PDPR: variants seen among roughly 807,000 people sequenced by gnomAD.
PDPR encodes pyruvate dehydrogenase phosphatase regulatory subunit.
In PDPR, 50 loss-of-function variants were observed where a neutral mutation model predicts 102.2. That is an observed-to-expected ratio of 0.49 (90% CI 0.39 to 0.62). The LOEUF is 0.62. Among genes scored for constraint, PDPR ranks in the 20% least tolerant of loss-of-function variants. The pLI is 0.00. For missense variants in PDPR, 625 were observed against 1,098.2 expected, an observed-to-expected ratio of 0.57 and a Z score of 6.09; for synonymous variants, 259 against 406.0, an observed-to-expected ratio of 0.64 and a Z score of 4.35.
chr16:70,142,436 C>A, intron 12 of PDPR, 47 bp downstream of exon 12: 1 of 1,604,756 alleles, frequency 6.2e-7, no homozygotes, highest in East Asian at 2.2e-5. Flanking sequence ...TTTTTTTGTC[C>A]TGGGAATTAA....
At chr16:70,148,363 A>G in intron 16 of PDPR, 101 bp from the exon 17 acceptor site, 4 of 886,286 alleles carry the variant, frequency 4.5e-6, no homozygotes, top group South Asian at 1.5e-5. Context: ...CTCCCTCAAC[A>G]GTAAACAGAG....
Position 70,156,859 on chromosome 16 carries a change from A to G in PDPR, c.2620A>G (p.Ser874Gly). Reference protein sequence around the residue: ...QKRRKDDMELSDLHGK With the variant: ...QKRRKDDMELGDLHGK Reference sequence around the variant, plus strand: ...GCGCCGAAAGGATGACATGGAGCTGAGTGACTTACATGGGAAGTGATGCCA... The same window carrying G: ...GCGCCGAAAGGATGACATGGAGCTGGGTGACTTACATGGGAAGTGATGCCA... Residue 874 changes from serine to glycine, a missense_variant, in exon 19 of 19, where the codon AGT (serine) becomes GGT (glycine). Ser to Gly is a moderately conservative substitution (Grantham distance 56). This residue lies in a region of PDPR where 303 missense variants were observed against 258.9 expected (regional missense o/e 1.17). Transcript: ENST00000288050. 1.2e-6 allele frequency: 2 copies of G among 1,613,806 alleles called. No homozygotes were observed. Among genetic ancestry groups the G allele is most frequent in the Non-Finnish European group, 1.7e-6 (2 of 1,179,794 alleles).
chr16:70,117,006 T>C (rs1962713664), intron 2 of PDPR, among the ~76,000 whole-genome samples: 2 of 150,418 alleles, frequency 1.3e-5, no homozygotes, highest in Non-Finnish European at 3.0e-5. Context: ...CGTGGAGTCA[T>C]GATTAAATAG....
At position 70,130,431 on chromosome 16, in the gene PDPR, A is replaced by T. The variant is rs10852462; in HGVS notation, c.616A>T (p.Ile206Phe). ...TCTTTACCTTGGAACAGGTGTTCAG[A>T]TCTATGACCGGACATCTGTTCTTCA... ...ASAASQNGVQIYDRTSVLHVM... is the reference protein window; with the variant it reads ...ASAASQNGVQFYDRTSVLHVM... Residue 206 changes from isoleucine to phenylalanine, a missense_variant, in exon 7 of 19, where the codon ATC (isoleucine) becomes TTC (phenylalanine). By Grantham distance (21) the Ile-to-Phe change is conservative (BLOSUM62 0). Around this residue, in one of 11 missense-constraint regions of PDPR, gnomAD observed 35 missense variants for 63.5 expected, o/e 0.55. Coordinates refer to ENST00000288050, the MANE Select transcript of PDPR (RefSeq NM_017990.5). The T allele has an allele frequency of 1.1e-5, 18 of 1,607,532 alleles. No individual in the cohort carries two copies. The East Asian group carries it at 4.0e-4, about 36-fold the overall frequency.
rs1185791659 is a variant in PDPR at position 70,159,723 on chromosome 16, TC to T, written c.*2845del. 1 of 152,792 alleles carries T rather than the reference TC, an allele frequency of 6.5e-6. No individual in the cohort carries two copies. The highest frequency in any genetic ancestry group is 1.5e-5 in the Non-Finnish European group (1 of 68,448). The allele number at this position is 152,792 out of a possible 1,614,324, so 9.5% of individuals were successfully genotyped here. On this transcript the variant is annotated 3_prime_UTR_variant, in exon 19 of 19. Coordinates refer to ENST00000288050, the MANE Select transcript of PDPR (RefSeq NM_017990.5). The stretch of plus-strand genomic sequence containing the variant: ...ACTTCCTGACCACCGGTGTCAGATA[TC>T]AGAGCATTCTGGACTCCTGAGAGGC...
intron 11 of PDPR, among the ~76,000 whole-genome samples, chr16:70,141,175 T>A (rs1307298926): frequency 6.6e-6 from 1 of 152,222 alleles, no homozygotes; most frequent in Non-Finnish European, 1.5e-5. Context: ...TGCCTCAGCC[T>A]CCCGAGTAGC....
At chr16:70,132,951 T>TA (rs1166210460) in intron 9 of PDPR, among the ~76,000 whole-genome samples, 11 of 152,220 alleles carry the variant, frequency 7.2e-5, no homozygotes, top group African/African-American at 2.7e-4. Flanking sequence ...TAGCTGGGAT[T>TA]ACAGGTGCTT....
Position 70,120,554 on chromosome 16 carries a change from A to T in PDPR, c.62A>T (p.Asn21Ile). The change falls in exon 3 of 19, where the codon AAC becomes ATC. Residue 21 changes from asparagine (N) to isoleucine (I), a missense_variant. Coordinates refer to ENST00000288050, the MANE Select transcript of PDPR (RefSeq NM_017990.5). ...CAAAGAGCCAGCCCAGGATGGCAGA[A>T]CTGGTCCTCTGCAAGAAACAGCACG... ...GRQRASPGWQNWSSARNSTSA... is the reference protein window; with the variant it reads ...GRQRASPGWQIWSSARNSTSA... 3 of 1,614,028 alleles carry T rather than the reference A, an allele frequency of 1.9e-6. No homozygotes were observed. The South Asian group carries it at 3.3e-5, about 18-fold the overall frequency.
In PDPR at chr16:70,156,496, G is replaced by T. The variant is rs766573812; in HGVS notation, c.2257G>T (p.Asp753Tyr). 6.2e-7 allele frequency: 1 copy of T among 1,613,804 alleles called. No individual in the cohort carries two copies. Among genetic ancestry groups the T allele is most frequent in the Non-Finnish European group, 8.5e-7 (1 of 1,179,698 alleles). ...LEKGMDFIGR[D>Y]ALLQQKQNGV... ...TTAGGGCATGGATTTCATTGGTCGC[G>T]ACGCCCTCCTGCAGCAGAAGCAGAA... Residue 753 changes from aspartate to tyrosine, a missense_variant, in exon 19 of 19, where the codon GAC (aspartate) becomes TAC (tyrosine). Asp to Tyr is a radical substitution (Grantham distance 160, BLOSUM62 -3). Transcript: ENST00000288050.
intron 17 of PDPR, among the ~76,000 whole-genome samples, chr16:70,152,900 G>A (rs924451445): frequency 1.1e-4 from 17 of 152,410 alleles, no homozygotes; most frequent in South Asian, 4.1e-4. Context: ...CTCCCCCGCC[G>A]TCATCCGATG....
At chr16:70,147,812 C>T in intron 16 of PDPR, 1 of 358,292 alleles carries the variant, frequency 2.8e-6, no homozygotes, top group Admixed American at 3.7e-5. Context: ...GGACCCCTCC[C>T]AGCGTTTGCT....
At chr16:70,154,232 G>A (rs1468591772) in intron 18 of PDPR, among the ~76,000 whole-genome samples, 1 of 152,214 alleles carries the variant, frequency 6.6e-6, no homozygotes, top group African/African-American at 2.4e-5. Context: ...GGAGGCTGAG[G>A]CAGGAGAATC....
In PDPR at chr16:70,153,427, G is replaced by A; in HGVS notation, c.2089G>A (p.Gly697Ser). The A allele has an allele frequency of 3.1e-6, 5 of 1,613,930 alleles. No homozygotes were observed. The highest frequency in any genetic ancestry group is 4.2e-6 in the Non-Finnish European group (5 of 1,179,850). Residue 697 changes from glycine (G) to serine (S), a missense_variant, in exon 18 of 19, where the codon GGC becomes AGC. Coordinates refer to ENST00000288050, the MANE Select transcript of PDPR (RefSeq NM_017990.5). ...LHVYNEVMSV[G>S]QKYGIRNAGY... ...TGTATACAATGAAGTGATGAGTGTT[G>A]GCCAGAAATACGGAATCCGGAATGC...
At chr16:70,155,320 T>C (rs1251257250) in intron 18 of PDPR, among the ~76,000 whole-genome samples, 23 of 152,154 alleles carry the variant, frequency 1.5e-4, no homozygotes, top group Non-Finnish European at 3.2e-4. Flanking sequence ...TCGTTCTTGT[T>C]GTCCAGGCTG....
At chr16:70,147,991 C>T (rs1324773013) in intron 16 of PDPR, among the ~76,000 whole-genome samples, 2 of 152,222 alleles carry the variant, frequency 1.3e-5, no homozygotes, top group African/African-American at 2.4e-5. Context: ...TGCTATGTAA[C>T]GTGTTCTGAG....
chr16:70,133,506 C>A (rs1253050360), intron 9 of PDPR, among the ~76,000 whole-genome samples: 1 of 150,844 alleles, frequency 6.6e-6, no homozygotes, highest in African/African-American at 2.4e-5. Context: ...CAACCTCCAC[C>A]TCCTAGGTTC....
At chr16:70,152,328 G>C (rs1469651684) in intron 17 of PDPR, among the ~76,000 whole-genome samples, 1 of 152,290 alleles carries the variant, frequency 6.6e-6, no homozygotes, top group Non-Finnish European at 1.5e-5. Context: ...AGAGCAGCCT[G>C]GTCAACATGG....
At chr16:70,137,382 A>G (rs1455407018) in intron 10 of PDPR, among the ~76,000 whole-genome samples, 2 of 152,252 alleles carry the variant, frequency 1.3e-5, no homozygotes, top group African/African-American at 4.8e-5. Context: ...ATAAAATAAA[A>G]TAAGACACTA....
chr16:70,126,836 A>G (rs1348954113), intron 3 of PDPR, among the ~76,000 whole-genome samples: 3 of 152,328 alleles, frequency 2.0e-5, no homozygotes, highest in African/African-American at 7.2e-5. Flanking sequence ...TAAACTATCC[A>G]GAATTTTAAA....
Sources: allele counts gnomAD v4.1 joint callset (sites outside exome capture counted in the v4.1 genomes callset), GRCh38; gene constraint gnomAD v4.1.1; regional missense constraint gnomAD v4.1.1; transcripts MANE v1.5; gene names NCBI Gene and HGNC (gene_info 2026-07-23, HGNC 2026-07-21).